Variants in PCDHA6 observed in about 807,000 individuals in gnomAD.
The protein encoded by PCDHA6 is protocadherin alpha 6, also known as protocadherin alpha-6.
In PCDHA6, 55 loss-of-function variants were observed where a neutral mutation model predicts 60.3. That is an observed-to-expected ratio of 0.91 (90% CI 0.73 to 1.14). The LOEUF (loss-of-function observed/expected upper bound fraction) is 1.14. Among genes scored for constraint, PCDHA6 ranks in the 50% most tolerant of loss-of-function variants. The pLI is 0.00. For missense variants in PCDHA6, 1,327 were observed against 1,256.5 expected (o/e 1.06, Z -0.85); for synonymous variants, 652 against 557.9 (o/e 1.17, Z -2.38).
intron 1 of PCDHA6, chr5:140,968,800 A>G: frequency 6.2e-7 from 1 of 1,614,238 alleles, no homozygotes; most frequent in Non-Finnish European, 8.5e-7. Context: ...CCATTACAGT[A>G]GCTGTGGTGG....
At chr5:140,883,912 C>A in intron 1 of PCDHA6, 1 of 1,613,300 alleles carries the variant, frequency 6.2e-7, no homozygotes, top group South Asian at 1.1e-5. Context: ...TGGGCAGCAA[C>A]GTGACGCTGC....
At chr5:140,966,470 T>G (rs782674249) in intron 1 of PCDHA6, 26 of 431,180 alleles carry the variant, frequency 6.0e-5, no homozygotes, top group Non-Finnish European at 9.3e-5. Context: ...TCTTCCCTTC[T>G]GTTTCCTTTT....
At chr5:140,855,950 C>G (rs1468443604) in intron 1 of PCDHA6, 1 of 1,363,922 alleles carries the variant, frequency 7.3e-7, no homozygotes, top group Non-Finnish European at 1.0e-6. Flanking sequence ...TCAGCCATTT[C>G]GATAAAAAAT....
At chr5:140,980,354 G>A (rs1387213682) in intron 2 of PCDHA6, among the ~76,000 whole-genome samples, 1 of 152,138 alleles carries the variant, frequency 6.6e-6, no homozygotes, top group Non-Finnish European at 1.5e-5. Flanking sequence ...TTCCTGGACT[G>A]GGCGCGGTGG....
intron 1 of PCDHA6, among the ~76,000 whole-genome samples, chr5:140,846,947 G>T (rs772178263): frequency 6.7e-6 from 1 of 149,632 alleles, no homozygotes; most frequent in African/African-American, 2.4e-5. Flanking sequence ...ACTTGAAGGG[G>T]CATGGTGTGT....
At chr5:141,008,712 T>G (rs1554261909) in intron 3 of PCDHA6, among the ~76,000 whole-genome samples, 1 of 152,210 alleles carries the variant, frequency 6.6e-6, no homozygotes, top group Non-Finnish European at 1.5e-5. Flanking sequence ...TCTAGTTGCT[T>G]GAGTGTATGT....
In PCDHA6 at chr5:140,828,380, G is replaced by A; in HGVS notation, c.289G>A (p.Gly97Arg). The change falls in exon 1 of 4, where the codon GGG becomes AGG. Residue 97 changes from glycine to arginine, a missense_variant. By Grantham distance (125) the Gly-to-Arg change is moderately radical (BLOSUM62 -2). Transcript: ENST00000529310. ...TCGGATCGACCGCGAGGAGCTGTGC[G>A]GGCGGAGCGCGGAGTGCAGCATCCA... Reference protein sequence around the residue: ...NSRIDREELCGRSAECSIHLE... With the variant: ...NSRIDREELCRRSAECSIHLE... The A allele has an allele frequency of 6.2e-7, 1 of 1,603,638 alleles. No individual in the cohort carries two copies. The highest frequency in any genetic ancestry group is 1.1e-5 in the South Asian group (1 of 90,428).
chr5:140,879,589 A>G (rs2058049274), intron 1 of PCDHA6, among the ~76,000 whole-genome samples: 1 of 152,214 alleles, frequency 6.6e-6, no homozygotes, highest in South Asian at 2.1e-4. Context: ...CAGACATTGA[A>G]AAGTGAAAAA....
chr5:140,853,649 T>C (rs2042817758), intron 1 of PCDHA6: 2 of 988,760 alleles, frequency 2.0e-6, no homozygotes, highest in African/African-American at 1.8e-5. Flanking sequence ...AAATTGAGCC[T>C]GTTCCAGACA....
At chr5:140,908,704 C>T (rs1241248582) in intron 1 of PCDHA6, among the ~76,000 whole-genome samples, 12 of 152,178 alleles carry the variant, frequency 7.9e-5, no homozygotes, top group African/African-American at 2.9e-4. Context: ...CCTCAAGCAC[C>T]ATTGGATCTG....
chr5:140,882,737 G>C lies in PCDHA6; in HGVS notation c.2394+52252G>C, dbSNP rs1375859660. The C allele has an allele frequency of 3.7e-6, 6 of 1,614,090 alleles. No homozygotes were observed. In the East Asian group the frequency reaches 1.1e-4, roughly 30 times the overall value. ...GGAAACTCGATTTCCACTAGATGGC[G>C]CATCCGATGCAGATATTGGAGTAAA... On this transcript the variant is annotated intron_variant, in intron 1 of 3. Transcript: ENST00000529310.
chr5:140,928,313 T>TG (rs1554205740), intron 1 of PCDHA6: 1 of 1,614,172 alleles, frequency 6.2e-7, no homozygotes, highest in Non-Finnish European at 8.5e-7. Flanking sequence ...GACCCCGACC[T>TG]GGGGAAGAAT....
At chr5:140,955,990 T>C (rs246015) in intron 1 of PCDHA6, among the ~76,000 whole-genome samples, 48,106 of 152,064 alleles carry the variant, frequency 0.32, 7,958 homozygotes, top group East Asian at 0.53. Context: ...TTTTTGCACA[T>C]TGATTTTGTA....
At chr5:140,975,022 G>A (rs2096650178) in intron 1 of PCDHA6, among the ~76,000 whole-genome samples, 2 of 152,188 alleles carry the variant, frequency 1.3e-5, no homozygotes, top group Admixed American at 1.3e-4. Context: ...GCTGGGCTGT[G>A]TTGTCCTTTG....
intron 3 of PCDHA6, among the ~76,000 whole-genome samples, chr5:140,990,016 G>A (rs1211656433): frequency 6.6e-6 from 1 of 152,138 alleles, no homozygotes; most frequent in East Asian, 1.9e-4. Flanking sequence ...GCGTGGGCTA[G>A]GCAAAGGATG....
At chr5:140,853,592 T>A in intron 1 of PCDHA6, 2 of 987,050 alleles carry the variant, frequency 2.0e-6, no homozygotes, top group Non-Finnish European at 1.2e-6. Context: ...TTAGACACTT[T>A]GAGAGCAAAG....
chr5:140,877,195 G>A, intron 1 of PCDHA6: 2 of 1,613,838 alleles, frequency 1.2e-6, no homozygotes, highest in East Asian at 2.2e-5. Context: ...CAGCGCAGGA[G>A]GCGCAGTTAG....
Position 140,836,712 on chromosome 5 carries a change from C to T in PCDHA6, c.2394+6227C>T, listed in dbSNP as rs2150268278. On this transcript the variant is annotated intron_variant, in intron 1 of 3. Transcript: ENST00000529310. Reference sequence around the variant, plus strand: ...CCTCATGGCCTTCAGTCCCAGCCTTCCTCAGGGTCCATCCTCTACAGACAA... The same window carrying T: ...CCTCATGGCCTTCAGTCCCAGCCTTTCTCAGGGTCCATCCTCTACAGACAA... 1.9e-6 allele frequency: 3 copies of T among 1,612,872 alleles called. 1 individual carries two copies. In the African/African-American group the frequency reaches 4.0e-5, roughly 22 times the overall value.
At chr5:140,988,026 T>A (rs1405610277) in intron 3 of PCDHA6, among the ~76,000 whole-genome samples, 1 of 152,152 alleles carries the variant, frequency 6.6e-6, no homozygotes, top group Non-Finnish European at 1.5e-5. Context: ...GATTCTTAAG[T>A]TTTTTAGAAT....
Sources: gnomAD v4.1 joint callset for allele counts (sites outside exome capture counted in the v4.1 genomes callset) on GRCh38, gnomAD v4.1.1 for gene constraint, MANE v1.5 for transcripts, NCBI Gene and HGNC (gene_info 2026-07-23, HGNC 2026-07-21) for gene names.